RSRC1: variants seen among roughly 807,000 people sequenced by gnomAD.
RSRC1 encodes the protein serine/Arginine-related protein 53.
RSRC1 carries 39 observed loss-of-function variants against 49.1 expected under a neutral mutation model. The observed-to-expected ratio is 0.79, with a 90% CI of 0.61 to 1.04. The LOEUF is 1.04. RSRC1 is among the 50% of genes least tolerant of loss of function. The pLI is 0.00. For synonymous variants in RSRC1, 143 were observed against 130.8 expected (o/e 1.09, Z -0.63); for missense variants, 388 against 402.4 (o/e 0.96, Z 0.31).
At chr3:158,474,178 C>G (rs1738269739) in intron 7 of RSRC1, among the ~76,000 whole-genome samples, 1 of 152,076 alleles carries the variant, frequency 6.6e-6, no homozygotes, top group Non-Finnish European at 1.5e-5. Flanking sequence ...ATTTAAAATA[C>G]AGATACTTTG....
intron 3 of RSRC1, among the ~76,000 whole-genome samples, chr3:158,140,907 G>A (rs555478830): frequency 1.3e-5 from 2 of 152,276 alleles, no homozygotes; most frequent in East Asian, 3.9e-4. Flanking sequence ...GATTTAAAAT[G>A]ACTCTCCTGT....
rs2108511906 is a variant in RSRC1 at position 158,545,196 on chromosome 3, T to TTATTTTTTTTTTTTTC, written c.*922_*923insATTTTTTTTTTTTTCT. ...GAATATTTCCCGTTTCTATTTTCTT[T>TTATTTTTTTTTTTTTC]TTTTTTTTTTTTTTTTTTTTTTTGA... On this transcript the variant is annotated 3_prime_UTR_variant, in exon 10 of 10. Coordinates refer to ENST00000611884, the MANE Select transcript of RSRC1 (RefSeq NM_001271838.2). 1 of 97,918 alleles carries TTATTTTTTTTTTTTTC rather than the reference T, an allele frequency of 1.0e-5. No individual in the cohort carries two copies. The highest frequency in any genetic ancestry group is 9.7e-5 in the Admixed American group (1 of 10,352). 6.1% of individuals were successfully genotyped at this position (97,918 alleles called of 1,614,324 possible).
chr3:158,167,568 G>T (rs1037176495), intron 3 of RSRC1, among the ~76,000 whole-genome samples: 3 of 152,082 alleles, frequency 2.0e-5, no homozygotes, highest in African/African-American at 7.2e-5. Context: ...ACTTAAATGG[G>T]CAAAATGTTA....
At chr3:158,392,746 T>C (rs1470461927) in intron 6 of RSRC1, among the ~76,000 whole-genome samples, 2 of 151,992 alleles carry the variant, frequency 1.3e-5, no homozygotes, top group East Asian at 3.8e-4. Flanking sequence ...TTCAACACCT[T>C]GCTTGACGTT....
intron 3 of RSRC1, among the ~76,000 whole-genome samples, chr3:158,186,025 A>G (rs1279887104): frequency 1.3e-5 from 2 of 151,912 alleles, no homozygotes; most frequent in Admixed American, 1.3e-4. Flanking sequence ...TTCTAGTTTT[A>G]CAGTTTTCCA....
intron 6 of RSRC1, among the ~76,000 whole-genome samples, chr3:158,398,304 C>T (rs1354793902): frequency 6.6e-6 from 1 of 152,016 alleles, no homozygotes. Flanking sequence ...GATATAGGCA[C>T]CAGTAGGTTC....
intron 6 of RSRC1, among the ~76,000 whole-genome samples, chr3:158,380,731 T>A (rs1732656381): frequency 6.6e-6 from 1 of 152,146 alleles, no homozygotes; most frequent in East Asian, 1.9e-4. Context: ...TTAAAAAAAA[T>A]TAAGATACCT....
intron 5 of RSRC1, among the ~76,000 whole-genome samples, chr3:158,316,853 C>CA (rs1414360730): frequency 2.6e-5 from 4 of 152,260 alleles, no homozygotes; most frequent in African/African-American, 7.2e-5. Flanking sequence ...GGCCCTAAAT[C>CA]AAATAGTGCT....
intron 3 of RSRC1, among the ~76,000 whole-genome samples, chr3:158,162,839 G>A (rs1350050804): frequency 6.6e-6 from 1 of 152,134 alleles, no homozygotes; most frequent in South Asian, 2.1e-4. Flanking sequence ...CAGTAAAAAG[G>A]AAGAGAGTGG....
intron 4 of RSRC1, among the ~76,000 whole-genome samples, chr3:158,257,673 A>T (rs1214116290): frequency 6.6e-6 from 1 of 151,858 alleles, no homozygotes; most frequent in Non-Finnish European, 1.5e-5. Flanking sequence ...TACTCTGGCC[A>T]TTTTGTTATT....
At chr3:158,176,866 G>A (rs1288082363) in intron 3 of RSRC1, among the ~76,000 whole-genome samples, 1 of 152,070 alleles carries the variant, frequency 6.6e-6, no homozygotes, top group African/African-American at 2.4e-5. Flanking sequence ...GCAACCTACA[G>A]AATGGGAGAA....
intron 3 of RSRC1, among the ~76,000 whole-genome samples, chr3:158,152,137 G>C (rs1349189600): frequency 6.6e-6 from 1 of 151,930 alleles, no homozygotes; most frequent in Non-Finnish European, 1.5e-5. Flanking sequence ...GTAGGAGTTG[G>C]AAGACCTGGT....
rs576824401 is a variant in RSRC1, at chr3:158,144,584, G to T, written c.320+20593G>T. Among the ~76,000 whole-genome samples, 28 of 152,180 alleles carry T rather than the reference G, an allele frequency of 1.8e-4. No homozygotes were observed. In the East Asian group the frequency reaches 3.3e-3, roughly 18 times the overall value. On this transcript the variant is annotated intron_variant, in intron 3 of 9. Transcript: ENST00000611884. ...AGTCTTTGCTATTGTGAATAGTGCC[G>T]CAGTAAACATACATGTGCATGTGTC...
chr3:158,367,861 C>T (rs539615390), intron 6 of RSRC1, among the ~76,000 whole-genome samples: 2 of 151,988 alleles, frequency 1.3e-5, no homozygotes, highest in East Asian at 3.9e-4. Context: ...AATTTAACTT[C>T]CAATTTCCAA....
chr3:158,289,290 G>T (rs1014057274), intron 4 of RSRC1, among the ~76,000 whole-genome samples: 1 of 152,044 alleles, frequency 6.6e-6, no homozygotes, highest in Admixed American at 6.5e-5. Flanking sequence ...CTGTTTACTT[G>T]ACTGGTTTTA....
chr3:158,162,723 C>T (rs141439521), intron 3 of RSRC1, among the ~76,000 whole-genome samples: 8 of 152,108 alleles, frequency 5.3e-5, no homozygotes, highest in Admixed American at 2.6e-4. Context: ...CTGATATCAG[C>T]GTTATTGTTT....
At chr3:158,276,157 C>A (rs1430374770) in intron 4 of RSRC1, 13 of 914,014 alleles carry the variant, frequency 1.4e-5, no homozygotes, top group Non-Finnish European at 2.2e-5. Context: ...AGCTGGTTAA[C>A]ACCATGATGG....
rs138296715 is a variant in RSRC1 at position 158,162,215 on chromosome 3, A to T, written c.320+38224A>T. 1.8e-4 allele frequency among the ~76,000 whole-genome samples: 27 copies of T among 152,322 alleles called. No individual in the cohort carries two copies. The East Asian group carries it at 3.1e-3, about 17-fold the overall frequency. ...CTTCTCAAAATACTCTAAGTAAATCATGTCTGTGAAAGATACTGTTTAGAT... is the reference window on the plus strand; with the variant it reads ...CTTCTCAAAATACTCTAAGTAAATCTTGTCTGTGAAAGATACTGTTTAGAT... On this transcript the variant is annotated intron_variant, in intron 3 of 9. Transcript: ENST00000611884.
At chr3:158,361,896 A>G (rs150673152) in intron 6 of RSRC1, among the ~76,000 whole-genome samples, 90 of 152,168 alleles carry the variant, frequency 5.9e-4, no homozygotes, top group East Asian at 5.4e-3. Context: ...TCCAGTACCT[A>G]ATGTTTCTCT....
Sources: gnomAD v4.1 joint callset for allele counts (sites outside exome capture counted in the v4.1 genomes callset) on GRCh38, gnomAD v4.1.1 for gene constraint, MANE v1.5 for transcripts, NCBI Gene and HGNC (gene_info 2026-07-23, HGNC 2026-07-21) for gene names.